The following PRKG1 variants were observed in gnomAD, a reference collection of about 807,000 sequenced individuals.
PRKG1 encodes protein kinase cGMP-dependent 1, also known as cGMP-dependent protein kinase 1.
Under a neutral mutation model 88.1 loss-of-function variants are expected in PRKG1, and 35 were observed. The ratio of observed to expected loss-of-function variants is 0.40; its 90% CI spans 0.30 to 0.53. The LOEUF (loss-of-function observed/expected upper bound fraction) is 0.53, where lower values mean the gene tolerates loss of function less well. Ranked by LOEUF, PRKG1 falls within the 20% of genes least tolerant of loss-of-function variation. The probability of loss-of-function intolerance (pLI) is 0.59; values close to 1 mark genes in which losing one functional copy is unlikely to be tolerated. For synonymous variants in PRKG1, 303 were observed against 292.5 expected, an observed-to-expected ratio of 1.04 and a Z score of -0.37; for missense variants, 540 against 839.8, an observed-to-expected ratio of 0.64 and a Z score of 4.41.
At chr10:51,141,327 T>G (rs1845815141) in intron 1 of PRKG1, among the ~76,000 whole-genome samples, 1 of 152,190 alleles carries the variant, frequency 6.6e-6, no homozygotes, top group Non-Finnish European at 1.5e-5. Context: ...TTATTGCTTC[T>G]CTGTTTCTTT....
At chr10:51,906,341 C>A (rs1842085998) in intron 4 of PRKG1, among the ~76,000 whole-genome samples, 1 of 152,102 alleles carries the variant, frequency 6.6e-6, no homozygotes, top group African/African-American at 2.4e-5. Flanking sequence ...ATGTGAGGAC[C>A]ACGATCCATG....
At chr10:51,604,446 A>G (rs1652442440) in intron 3 of PRKG1, among the ~76,000 whole-genome samples, 1 of 152,172 alleles carries the variant, frequency 6.6e-6, no homozygotes, top group African/African-American at 2.4e-5. Context: ...TTATCTATGT[A>G]TTCTTTCTTC....
intron 5 of PRKG1, among the ~76,000 whole-genome samples, chr10:52,022,649 G>A (rs891069740): frequency 1.3e-5 from 2 of 152,168 alleles, no homozygotes; most frequent in Non-Finnish European, 2.9e-5. Context: ...GTACAATAGT[G>A]TATGGTATAG....
intron 5 of PRKG1, among the ~76,000 whole-genome samples, chr10:51,916,009 T>G (rs12571679): frequency 0.25 from 38,359 of 151,984 alleles, 5,213 homozygotes; most frequent in East Asian, 0.5. Context: ...CTGGTGAGAT[T>G]GGAAAATGGT....
At chr10:51,235,348 C>T (rs1029523654) in intron 2 of PRKG1, among the ~76,000 whole-genome samples, 1 of 152,248 alleles carries the variant, frequency 6.6e-6, no homozygotes, top group African/African-American at 2.4e-5. Context: ...TATAGAGCCC[C>T]GTTAGGTTTA....
chr10:51,559,826 A>G (rs1250827201), intron 3 of PRKG1, among the ~76,000 whole-genome samples: 2 of 152,090 alleles, frequency 1.3e-5, no homozygotes, highest in African/African-American at 4.8e-5. Flanking sequence ...ATCTTAATCC[A>G]TTATTGTATC....
intron 1 of PRKG1, among the ~76,000 whole-genome samples, chr10:50,998,663 G>A (rs748108281): frequency 1.3e-5 from 2 of 152,118 alleles, no homozygotes; most frequent in East Asian, 1.9e-4. Flanking sequence ...CAGGAGAATC[G>A]CTTGAACCTG....
chr10:52,091,264 CT>C (rs1847050014), intron 7 of PRKG1, among the ~76,000 whole-genome samples: 1 of 152,180 alleles, frequency 6.6e-6, no homozygotes, highest in Non-Finnish European at 1.5e-5. Context: ...GCAAAGGTGA[CT>C]ATTCCCTTGT....
chr10:52,230,997 A>G (rs941940277), intron 9 of PRKG1: 25 of 152,242 alleles, frequency 1.6e-4, no homozygotes, highest in Non-Finnish European at 2.5e-4. Context: ...AGAGAAATCT[A>G]TGTGGTCATT....
intron 3 of PRKG1, among the ~76,000 whole-genome samples, chr10:51,784,334 T>A (rs1218583322): frequency 6.6e-6 from 1 of 152,098 alleles, no homozygotes; most frequent in Non-Finnish European, 1.5e-5. Context: ...TTTTTCCTCA[T>A]GGTATTTCAA....
chr10:51,627,766 G>A (rs1839372861), intron 3 of PRKG1, among the ~76,000 whole-genome samples: 1 of 152,024 alleles, frequency 6.6e-6, no homozygotes. Flanking sequence ...AAAGTGCTTG[G>A]CAGAGTACCA....
intron 2 of PRKG1, among the ~76,000 whole-genome samples, chr10:51,255,796 G>A (rs1288793183): frequency 6.6e-6 from 1 of 152,070 alleles, no homozygotes; most frequent in African/African-American, 2.4e-5. Flanking sequence ...TTTGGGACTG[G>A]GAATAAGGGT....
intron 1 of PRKG1, among the ~76,000 whole-genome samples, chr10:51,145,117 T>C (rs970155344): frequency 3.9e-5 from 6 of 152,106 alleles, no homozygotes; most frequent in African/African-American, 1.4e-4. Flanking sequence ...TAACACATAG[T>C]GGTGGTGTGA....
At chr10:51,534,636 C>G (rs538058488) in intron 3 of PRKG1, among the ~76,000 whole-genome samples, 1 of 141,644 alleles carries the variant, frequency 7.1e-6, no homozygotes, top group Admixed American at 7.6e-5. Context: ...CACTGCACTC[C>G]AGCCTGGGCA....
chr10:51,642,426 T>G (rs192701599), intron 3 of PRKG1, among the ~76,000 whole-genome samples: 6 of 152,156 alleles, frequency 3.9e-5, no homozygotes, highest in Admixed American at 3.9e-4. Context: ...AAATACTTAT[T>G]TAAGTATTAC....
intron 10 of PRKG1, chr10:52,253,397 G>A (rs1243599888): frequency 6.6e-6 from 1 of 151,912 alleles, no homozygotes; most frequent in African/African-American, 2.4e-5. Flanking sequence ...TCAAGCTAGA[G>A]AACTGAATAC....
intron 3 of PRKG1, among the ~76,000 whole-genome samples, chr10:51,681,552 C>G (rs1471341634): frequency 6.6e-6 from 1 of 152,134 alleles, no homozygotes; most frequent in Admixed American, 6.5e-5. Flanking sequence ...TCAGATTTCT[C>G]TCTTATATCT....
At chr10:51,683,582 G>T (rs1038234392) in intron 3 of PRKG1, among the ~76,000 whole-genome samples, 2 of 152,130 alleles carry the variant, frequency 1.3e-5, no homozygotes, top group Admixed American at 1.3e-4. Context: ...TATAAGCATA[G>T]GGTAATGAGA....
intron 3 of PRKG1, among the ~76,000 whole-genome samples, chr10:51,553,822 C>T (rs886872390): frequency 1.3e-4 from 13 of 98,542 alleles, no homozygotes; most frequent in East Asian, 4.0e-4. Context: ...GTATTAGATA[C>T]GTGTATATAA....
Sources: allele counts gnomAD v4.1 joint callset (sites outside exome capture counted in the v4.1 genomes callset), GRCh38; gene constraint gnomAD v4.1.1; transcripts MANE v1.5; gene names NCBI Gene and HGNC (gene_info 2026-07-23, HGNC 2026-07-21).